The following JARID2 variants were observed in gnomAD, a reference collection of about 807,000 sequenced individuals.
The protein encoded by JARID2 is jumonji and AT-rich interaction domain containing 2, also known as protein Jumonji.
In JARID2, 21 loss-of-function variants were observed where a neutral mutation model predicts 125.6. The ratio of observed to expected loss-of-function variants is 0.17; its 90% confidence interval spans 0.12 to 0.24. JARID2 has a LOEUF of 0.24. Ranked by LOEUF, JARID2 falls within the 10% of genes least tolerant of loss-of-function variation. JARID2 has a pLI of 1.00. For synonymous variants in JARID2, 736 were observed against 661.6 expected (o/e 1.11, Z -1.73); for missense variants, 1,303 against 1,639.6 (o/e 0.79, Z 3.55).
intron 1 of JARID2, among the ~76,000 whole-genome samples, chr6:15,293,508 T>C (rs1226635439): frequency 1.3e-5 from 2 of 152,240 alleles, no homozygotes; most frequent in Non-Finnish European, 2.9e-5. Flanking sequence ...ATGTTTGTGA[T>C]AAGGCCTTGT....
intron 3 of JARID2, among the ~76,000 whole-genome samples, chr6:15,450,440 G>A (rs968852120): frequency 3.3e-5 from 5 of 152,146 alleles, no homozygotes; most frequent in Non-Finnish European, 5.9e-5. Flanking sequence ...AAAGTGCTAG[G>A]ATTACAGGGA....
chr6:15,514,609 C>G (rs1771456443), intron 16 of JARID2, among the ~76,000 whole-genome samples: 1 of 152,012 alleles, frequency 6.6e-6, no homozygotes, highest in Non-Finnish European at 1.5e-5. Flanking sequence ...GAGGACACAG[C>G]CTCTCCCGGA....
rs1160808636 is a variant in JARID2, at chr6:15,254,890, A to G, written c.45+8306A>G. On this transcript the variant is annotated intron_variant, in intron 1 of 17. Coordinates refer to ENST00000341776, the MANE Select transcript of JARID2 (RefSeq NM_004973.4). ...CTCCGTCTCTACTAAAAATGCAAAAAAGTTAGCCAGGCGTGGTGGTGGGCA... is the reference window on the plus strand; with the variant it reads ...CTCCGTCTCTACTAAAAATGCAAAAGAGTTAGCCAGGCGTGGTGGTGGGCA... Among the ~76,000 whole-genome samples the G allele has an allele frequency of 2.0e-5, 3 of 151,784 alleles. No homozygotes were observed. In the South Asian group the frequency reaches 6.2e-4, roughly 32 times the overall value.
At chr6:15,250,066 C>T (rs1759383298) in intron 1 of JARID2, among the ~76,000 whole-genome samples, 1 of 152,118 alleles carries the variant, frequency 6.6e-6, no homozygotes, top group Admixed American at 6.5e-5. Context: ...AGAATCTCTG[C>T]CTTATGAAGA....
At chr6:15,254,186 G>A (rs1759565020) in intron 1 of JARID2, among the ~76,000 whole-genome samples, 1 of 152,164 alleles carries the variant, frequency 6.6e-6, no homozygotes, top group South Asian at 2.1e-4. Flanking sequence ...AGTCATCATT[G>A]GAAGACTGAC....
chr6:15,362,962 G>A (rs1046353958), intron 1 of JARID2, among the ~76,000 whole-genome samples: 1 of 152,186 alleles, frequency 6.6e-6, no homozygotes, highest in Non-Finnish European at 1.5e-5. Flanking sequence ...TAGCCAGGAA[G>A]GTGGTGTGGA....
chr6:15,258,956 T>A (rs1267680153), intron 1 of JARID2, among the ~76,000 whole-genome samples: 1 of 152,212 alleles, frequency 6.6e-6, no homozygotes. Context: ...GGATAGAAAT[T>A]CAGATAATAA....
chr6:15,465,571 A>C lies in JARID2; in HGVS notation c.494-2971A>C, dbSNP rs1027853615. Reference sequence around the variant, plus strand: ...TCAATCCTCACCCTAACATAAACTCAATCCTCACCCTTTCTCTCAACATCT... The same window carrying C: ...TCAATCCTCACCCTAACATAAACTCCATCCTCACCCTTTCTCTCAACATCT... On this transcript the variant is annotated intron_variant, in intron 4 of 17. Coordinates refer to ENST00000341776, the MANE Select transcript of JARID2 (RefSeq NM_004973.4). Among the ~76,000 whole-genome samples, 8 of 152,256 alleles carry C rather than the reference A, an allele frequency of 5.3e-5. No individual in the cohort carries two copies. The East Asian group carries it at 1.5e-3, about 29-fold the overall frequency.
intron 3 of JARID2, among the ~76,000 whole-genome samples, chr6:15,444,613 ATTT>A: frequency 7.0e-6 from 1 of 143,732 alleles, no homozygotes; most frequent in Middle Eastern, 3.5e-3. Context: ...AACACAGGAA[ATTT>A]TTTTTTTTTT....
intron 1 of JARID2, among the ~76,000 whole-genome samples, chr6:15,264,592 C>T (rs977540075): frequency 6.0e-5 from 9 of 149,080 alleles, no homozygotes; most frequent in Non-Finnish European, 1.0e-4. Context: ...ACACCCACCT[C>T]AGTTTAGAAG....
At chr6:15,312,313 A>G (rs1762042017) in intron 1 of JARID2, among the ~76,000 whole-genome samples, 1 of 152,194 alleles carries the variant, frequency 6.6e-6, no homozygotes, top group African/African-American at 2.4e-5. Context: ...TCGGCCTCCC[A>G]AAGTGCTGGG....
intron 1 of JARID2, among the ~76,000 whole-genome samples, chr6:15,283,269 C>CAT (rs1430741291): frequency 2.1e-4 from 30 of 145,584 alleles, no homozygotes; most frequent in South Asian, 6.6e-4. Flanking sequence ...TGAGCCACTG[C>CAT]GCCCGGCCGT....
At chr6:15,410,513 G>GC in intron 3 of JARID2, 148 bp downstream of exon 3, 3 of 747,260 alleles carry the variant, frequency 4.0e-6, no homozygotes, top group Non-Finnish European at 4.3e-6. Context: ...CGTATCAAAT[G>GC]CCCTGCTTTC....
chr6:15,445,339 C>T lies in JARID2; in HGVS notation c.324-6667C>T, dbSNP rs147450564. On this transcript the variant is annotated intron_variant, in intron 3 of 17. Transcript: ENST00000341776. ...TCTCGTGATTTATTGGTTAACTTTCCAAATAATGTTAGTGTGTATCTTGCT... is the reference window on the plus strand; with the variant it reads ...TCTCGTGATTTATTGGTTAACTTTCTAAATAATGTTAGTGTGTATCTTGCT... 9.4e-3 allele frequency among the ~76,000 whole-genome samples: 1,428 copies of T among 152,310 alleles called. 21 individuals carry two copies. The highest frequency in any genetic ancestry group is 0.033 in the African/African-American group (1,361 of 41,564).
chr6:15,454,551 C>G (rs531803899), intron 4 of JARID2, among the ~76,000 whole-genome samples: 5 of 152,080 alleles, frequency 3.3e-5, no homozygotes, highest in Admixed American at 6.5e-5. Context: ...AGTCATGGCT[C>G]TAAGCAGCCT....
rs564519405 is a variant in JARID2, at chr6:15,246,413, G to C, written c.-127G>C. On this transcript the variant is annotated 5_prime_UTR_variant, in exon 1 of 18. Coordinates refer to ENST00000341776, the MANE Select transcript of JARID2 (RefSeq NM_004973.4). Reference sequence around the variant, plus strand: ...TGGCTTTGGGGGAAGAGGAAGAAAAGTCGGATTACAAGATCAACCACCACC... The same window carrying C: ...TGGCTTTGGGGGAAGAGGAAGAAAACTCGGATTACAAGATCAACCACCACC... 5.7e-5 allele frequency: 39 copies of C among 685,890 alleles called. No homozygotes were observed. The South Asian group carries it at 6.8e-4, about 12-fold the overall frequency. The allele number at this position is 685,890 out of a possible 1,614,324, so 42.5% of individuals were successfully genotyped here. A position where few individuals can be genotyped will look rare whatever the true frequency, so the allele number is the denominator to read the frequency against.
At chr6:15,291,835 A>G (rs1761227904) in intron 1 of JARID2, among the ~76,000 whole-genome samples, 1 of 151,974 alleles carries the variant, frequency 6.6e-6, no homozygotes, top group Non-Finnish European at 1.5e-5. Context: ...CCATTCAAAT[A>G]TTTTTGTACT....
chr6:15,257,934 T>C (rs1391419833), intron 1 of JARID2, among the ~76,000 whole-genome samples: 1 of 152,250 alleles, frequency 6.6e-6, no homozygotes, highest in African/African-American at 2.4e-5. Flanking sequence ...CAATGTGTTA[T>C]TAGTCAGAAC....
At chr6:15,384,193 G>GCTC (rs752220929) in intron 2 of JARID2, among the ~76,000 whole-genome samples, 7 of 151,632 alleles carry the variant, frequency 4.6e-5, no homozygotes, top group Non-Finnish European at 7.4e-5. Context: ...CGACTCTCAG[G>GCTC]CTCATACCTT....
Sources: allele counts gnomAD v4.1 joint callset (sites outside exome capture counted in the v4.1 genomes callset), GRCh38; gene constraint gnomAD v4.1.1; transcripts MANE v1.5; gene names NCBI Gene and HGNC (gene_info 2026-07-23, HGNC 2026-07-21).